Variants in DCAF6 observed in about 807,000 individuals in gnomAD.
DCAF6 encodes the protein DDB1- and CUL4-associated factor 6.
A neutral mutation model predicts 125.1 loss-of-function variants in DCAF6; 54 were observed. The ratio of observed to expected loss-of-function variants is 0.43; its 90% CI spans 0.35 to 0.54. The LOEUF (loss-of-function observed/expected upper bound fraction) is 0.54, where lower values mean the gene tolerates loss of function less well. Ranked by LOEUF, DCAF6 falls within the 20% of genes least tolerant of loss-of-function variation. The pLI is 0.01. For missense variants in DCAF6, 934 were observed against 1,161.7 expected (o/e 0.80, Z 2.85); for synonymous variants, 371 against 390.4 (o/e 0.95, Z 0.58).
rs76082508 is a variant in DCAF6, at chr1:167,960,350, G to A, written c.160-6279G>A. 4.6e-3 allele frequency among the ~76,000 whole-genome samples: 694 copies of A among 152,142 alleles called. 8 individuals are homozygous for A. The East Asian group carries it at 0.057, about 13-fold the overall frequency. On this transcript the variant is annotated intron_variant, in intron 2 of 21. Coordinates refer to ENST00000367840, the MANE Select transcript of DCAF6 (RefSeq NM_001198956.2). Reference sequence around the variant, plus strand: ...GTCTCGGCCTCTTGCCCAGGCTGGAGTGCAATGGCGCGATCTCAGCTCACG... The same window carrying A: ...GTCTCGGCCTCTTGCCCAGGCTGGAATGCAATGGCGCGATCTCAGCTCACG...
At chr1:167,875,216 A>G in the DCAF6 span, 1 of 1,609,784 alleles carries the variant, frequency 6.2e-7, no homozygotes, top group Non-Finnish European at 8.5e-7. Flanking sequence ...AACAGATGCT[A>G]GATTCAAAAC....
the DCAF6 span, among the ~76,000 whole-genome samples, chr1:167,900,265 G>T: frequency 7.9e-5 from 12 of 151,688 alleles, no homozygotes; most frequent in African/African-American, 2.9e-4. Flanking sequence ...TTTTATCTTC[G>T]CTCTCTGCTA....
the DCAF6 span, among the ~76,000 whole-genome samples, chr1:167,868,970 G>C: frequency 6.6e-6 from 1 of 152,150 alleles, no homozygotes. Flanking sequence ...TATCAAAATA[G>C]ATTGGCTCTC....
intron 11 of DCAF6, among the ~76,000 whole-genome samples, chr1:168,019,340 G>A (rs1443109535): frequency 1.3e-5 from 2 of 152,130 alleles, no homozygotes; most frequent in African/African-American, 4.8e-5. Context: ...GAACCACCAT[G>A]CCCAGCCAAT....
the DCAF6 span, among the ~76,000 whole-genome samples, chr1:167,891,499 A>T: frequency 1.1e-4 from 16 of 151,710 alleles, no homozygotes; most frequent in Non-Finnish European, 2.1e-4. Context: ...TACTAAAAAT[A>T]CAAAAACGTA....
At chr1:167,918,116 T>A in the DCAF6 span, 1 of 444,064 alleles carries the variant, frequency 2.3e-6, no homozygotes, top group Non-Finnish European at 4.0e-6. Context: ...AGAAAAATGT[T>A]ACTAATATCC....
chr1:168,029,984 A>C, intron 12 of DCAF6, among the ~76,000 whole-genome samples: 1 of 151,930 alleles, frequency 6.6e-6, no homozygotes. Flanking sequence ...CGTCTCAAAA[A>C]AAAAAAAAAG....
intron 2 of DCAF6, among the ~76,000 whole-genome samples, chr1:167,964,389 A>G (rs1224304334): frequency 6.6e-6 from 1 of 152,174 alleles, no homozygotes; most frequent in African/African-American, 2.4e-5. Flanking sequence ...TCTTGCTTAC[A>G]TGATTTCTGA....
chr1:168,057,788 G>A (rs1040383691), intron 17 of DCAF6, among the ~76,000 whole-genome samples: 42 of 152,238 alleles, frequency 2.8e-4, no homozygotes, highest in African/African-American at 9.6e-4. Context: ...GGGGAGAATT[G>A]TATTTTTATA....
chr1:168,005,813 C>T (rs1386681437), intron 10 of DCAF6, among the ~76,000 whole-genome samples: 1 of 152,082 alleles, frequency 6.6e-6, no homozygotes. Flanking sequence ...GAATAAAAGC[C>T]AGAGTCAGTT....
At chr1:167,879,727 C>A in the DCAF6 span, among the ~76,000 whole-genome samples, 7 of 152,128 alleles carry the variant, frequency 4.6e-5, no homozygotes, top group Non-Finnish European at 1.0e-4. Flanking sequence ...ATAAGATTTA[C>A]TTATTACTAC....
the DCAF6 span, among the ~76,000 whole-genome samples, chr1:167,881,567 G>A: frequency 1.3e-5 from 2 of 152,168 alleles, no homozygotes; most frequent in Non-Finnish European, 2.9e-5. Flanking sequence ...TTTATGTAGC[G>A]GCCTGGCAAG....
chr1:167,953,331 A>G (rs887830768), intron 2 of DCAF6, among the ~76,000 whole-genome samples: 5 of 152,052 alleles, frequency 3.3e-5, no homozygotes, highest in Non-Finnish European at 4.4e-5. Flanking sequence ...TGAACACCCT[A>G]ATTAAACAGC....
intron 1 of DCAF6, among the ~76,000 whole-genome samples, chr1:167,943,113 G>A (rs1283180330): frequency 2.6e-5 from 4 of 152,108 alleles, no homozygotes; most frequent in African/African-American, 9.7e-5. Context: ...GTTTCACCGC[G>A]TTAGCCAGGA....
At chr1:167,888,801 G>T in the DCAF6 span, among the ~76,000 whole-genome samples, 19 of 150,606 alleles carry the variant, frequency 1.3e-4, no homozygotes, top group Middle Eastern at 3.6e-3. Context: ...GAGTGAACCC[G>T]GGAGGCGGAG....
intron 10 of DCAF6, among the ~76,000 whole-genome samples, chr1:168,009,592 T>G (rs1425861264): frequency 1.3e-5 from 2 of 151,438 alleles, no homozygotes; most frequent in Non-Finnish European, 2.9e-5. Flanking sequence ...TTCCTGTCTT[T>G]TCTTTTCTTT....
At chr1:168,039,783 G>C (rs1688285936) in intron 13 of DCAF6, among the ~76,000 whole-genome samples, 1 of 149,464 alleles carries the variant, frequency 6.7e-6, no homozygotes, top group Non-Finnish European at 1.5e-5. Context: ...AATATGTAAT[G>C]AATTATATGT....
At chr1:167,887,359 T>C in the DCAF6 span, among the ~76,000 whole-genome samples, 1 of 152,256 alleles carries the variant, frequency 6.6e-6, no homozygotes, top group African/African-American at 2.4e-5. Context: ...TGGAATATTA[T>C]GCACCCATAA....
chr1:167,971,324 A>G (rs574587122), intron 3 of DCAF6, among the ~76,000 whole-genome samples: 1 of 152,264 alleles, frequency 6.6e-6, no homozygotes, highest in East Asian at 1.9e-4. Flanking sequence ...TTAGATGGCA[A>G]CTTCTTTGAG....
Sources: allele counts gnomAD v4.1 joint callset (sites outside exome capture counted in the v4.1 genomes callset), GRCh38; gene constraint gnomAD v4.1.1; transcripts MANE v1.5; gene names NCBI Gene and HGNC (gene_info 2026-07-23, HGNC 2026-07-21).